BANK1: variants seen among roughly 807,000 people sequenced by gnomAD.
BANK1 encodes the protein B cell scaffold protein with ankyrin repeats 1.
BANK1 carries 95 observed loss-of-function variants against 94.5 expected under a neutral mutation model. The ratio of observed to expected loss-of-function variants is 1.00; its 90% CI spans 0.85 to 1.19. BANK1 has a LOEUF of 1.19. BANK1 is among the 50% of genes most tolerant of loss of function. The probability of loss-of-function intolerance (pLI) is 0.00; values close to 1 mark genes in which losing one functional copy is unlikely to be tolerated. For synonymous variants in BANK1, 334 were observed against 308.4 expected (o/e 1.08, Z -0.87); for missense variants, 987 against 932.2 (o/e 1.06, Z -0.77).
At position 101,874,995 on chromosome 4, in the gene BANK1, T is replaced by C. The variant is rs182114940; in HGVS notation, c.903+4351T>C. ...AAGTGAGAGGAAGGGGTGGAGCAAA[T>C]TGGCAGAATAGAAGGCTCTACCAAT... is the stretch of plus-strand genomic sequence containing the variant. On this transcript the variant is annotated intron_variant, in intron 5 of 16. Coordinates refer to ENST00000322953, the MANE Select transcript of BANK1 (RefSeq NM_017935.5). Among the ~76,000 whole-genome samples, 279 of 152,222 alleles carry C rather than the reference T, an allele frequency of 1.8e-3. 1 individual carries two copies. Among genetic ancestry groups the C allele is most frequent in the African/African-American group, 5.9e-3 (243 of 41,530 alleles).
intron 1 of BANK1, chr4:101,813,883 G>T: frequency 1.0e-6 from 1 of 985,402 alleles, no homozygotes; most frequent in Non-Finnish European, 1.2e-6. Context: ...GGGACTACTT[G>T]CTTGCTGGTT....
chr4:101,850,591 G>A (rs994585190), intron 2 of BANK1, among the ~76,000 whole-genome samples: 23 of 152,010 alleles, frequency 1.5e-4, no homozygotes, highest in African/African-American at 5.3e-4. Context: ...CCTGTGCTTT[G>A]CTTTTTTGTG....
chr4:101,936,358 T>G (rs1723550273), intron 7 of BANK1, among the ~76,000 whole-genome samples: 1 of 150,078 alleles, frequency 6.7e-6, no homozygotes, highest in Non-Finnish European at 1.5e-5. Flanking sequence ...CATGTATACA[T>G]ACATGCATAT....
chr4:101,975,824 T>C (rs1725105852), intron 7 of BANK1, among the ~76,000 whole-genome samples: 1 of 152,264 alleles, frequency 6.6e-6, no homozygotes, highest in African/African-American at 2.4e-5. Flanking sequence ...ATTAAATGAA[T>C]AAATAAATGA....
rs186750309 is a variant in BANK1, at chr4:102,033,849, A to G, written c.1900+3584A>G. On this transcript the variant is annotated intron_variant, in intron 10 of 16. Coordinates refer to ENST00000322953, the MANE Select transcript of BANK1 (RefSeq NM_017935.5). ...AGCTGGACTACAAATAATGTCACCAAAATCCTTTTCCATTTTTTATTTCCT... is the reference window on the plus strand; with the variant it reads ...AGCTGGACTACAAATAATGTCACCAGAATCCTTTTCCATTTTTTATTTCCT... Among the ~76,000 whole-genome samples the G allele has an allele frequency of 4.1e-3, 629 of 152,314 alleles. 4 individuals are homozygous for G. The highest frequency in any genetic ancestry group is 0.014 in the African/African-American group (599 of 41,576).
chr4:102,007,501 TA>T (rs1210144328), intron 7 of BANK1, among the ~76,000 whole-genome samples: 2 of 151,964 alleles, frequency 1.3e-5, no homozygotes, highest in Non-Finnish European at 1.5e-5. Context: ...GCTATGTTAA[TA>T]GGGGGCCAGG....
intron 2 of BANK1, 144 bp from the exon 3 acceptor site, chr4:101,854,891 T>C (rs1036738330): frequency 5.3e-6 from 3 of 566,642 alleles, no homozygotes; most frequent in Non-Finnish European, 6.2e-6. Context: ...ATTATTAACA[T>C]TGGTTCAATT....
chr4:101,850,840 T>C (rs1316679961), intron 2 of BANK1, among the ~76,000 whole-genome samples: 1 of 152,210 alleles, frequency 6.6e-6, no homozygotes, highest in Non-Finnish European at 1.5e-5. Flanking sequence ...ACTGCACCCA[T>C]ACAAGACAGT....
chr4:101,893,418 G>A (rs1397704457), intron 5 of BANK1, among the ~76,000 whole-genome samples: 2 of 151,942 alleles, frequency 1.3e-5, no homozygotes, highest in Non-Finnish European at 2.9e-5. Context: ...AAAAAGAAAT[G>A]GCGATGGAGC....
chr4:102,067,662 A>G (rs1417060659), intron 13 of BANK1, among the ~76,000 whole-genome samples: 1 of 151,762 alleles, frequency 6.6e-6, no homozygotes, highest in Admixed American at 6.6e-5. Flanking sequence ...TATTATATAT[A>G]TGAATTTTAC....
intron 2 of BANK1, among the ~76,000 whole-genome samples, chr4:101,853,560 G>A (rs1206676782): frequency 2.0e-5 from 3 of 152,184 alleles, no homozygotes; most frequent in Non-Finnish European, 4.4e-5. Flanking sequence ...CATTAGAAAG[G>A]ACTTGGAAGA....
At chr4:101,792,933 T>A (rs556224367) in intron 1 of BANK1, among the ~76,000 whole-genome samples, 1 of 152,334 alleles carries the variant, frequency 6.6e-6, no homozygotes, top group Non-Finnish European at 1.5e-5. Context: ...TTTAACTATA[T>A]ATTACTATCA....
At chr4:101,932,671 C>T (rs760932117) in intron 7 of BANK1, among the ~76,000 whole-genome samples, 2 of 151,438 alleles carry the variant, frequency 1.3e-5, no homozygotes, top group South Asian at 4.1e-4. Context: ...TGAGATATTA[C>T]TCTTCCTTGT....
At chr4:101,802,230 T>C (rs758037924) in intron 1 of BANK1, among the ~76,000 whole-genome samples, 38 of 152,224 alleles carry the variant, frequency 2.5e-4, no homozygotes, top group Non-Finnish European at 4.0e-4. Context: ...CTTAATGATT[T>C]TTGTGATGAA....
chr4:101,971,726 A>G (rs908127557), intron 7 of BANK1, among the ~76,000 whole-genome samples: 1 of 152,124 alleles, frequency 6.6e-6, no homozygotes, highest in Non-Finnish European at 1.5e-5. Flanking sequence ...TCCCAAAACC[A>G]TTTATTGAAA....
chr4:101,813,646 C>A (rs73836604), intron 1 of BANK1, among the ~76,000 whole-genome samples: 4 of 152,200 alleles, frequency 2.6e-5, no homozygotes, highest in South Asian at 2.1e-4. Context: ...GAAATGTAGT[C>A]GTGACCAAGT....
At chr4:101,929,575 A>T (rs558276660) in intron 7 of BANK1, among the ~76,000 whole-genome samples, 1 of 151,732 alleles carries the variant, frequency 6.6e-6, no homozygotes, top group South Asian at 2.1e-4. Context: ...TTCTCCTTAA[A>T]TGGGTTAAAC....
intron 7 of BANK1, among the ~76,000 whole-genome samples, chr4:101,924,878 A>G (rs1723105017): frequency 1.3e-5 from 2 of 151,728 alleles, no homozygotes; most frequent in African/African-American, 4.8e-5. Context: ...GGAGACACAC[A>G]TTTTTCATAA....
At chr4:101,937,083 AT>A (rs1222997034) in intron 7 of BANK1, among the ~76,000 whole-genome samples, 1 of 151,714 alleles carries the variant, frequency 6.6e-6, no homozygotes, top group East Asian at 1.9e-4. Context: ...GATAAAGAAA[AT>A]GGGGTATGTG....
Sources: allele counts gnomAD v4.1 joint callset (sites outside exome capture counted in the v4.1 genomes callset), GRCh38; gene constraint gnomAD v4.1.1; transcripts MANE v1.5; gene names NCBI Gene and HGNC (gene_info 2026-07-23, HGNC 2026-07-21).